ZNF605: variants seen among roughly 807,000 people sequenced by gnomAD.
ZNF605 encodes the protein zinc finger protein 605.
ZNF605 carries 9 observed loss-of-function variants against 7.9 expected under a neutral mutation model. That is an observed-to-expected ratio of 1.14 (90% CI 0.68 to 1.98). The LOEUF (loss-of-function observed/expected upper bound fraction) is 1.98. Among genes scored for constraint, ZNF605 ranks in the 30% most tolerant of loss-of-function variants. The pLI, the probability that ZNF605 is intolerant of heterozygous loss-of-function variation, is 0.00. For missense variants in ZNF605, 673 were observed against 762.4 expected (o/e 0.88, Z 1.38); for synonymous variants, 255 against 260.1 (o/e 0.98, Z 0.19).
At chr12:132,947,487 A>AT (rs748773375) in intron 2 of ZNF605, among the ~76,000 whole-genome samples, 2 of 151,804 alleles carry the variant, frequency 1.3e-5, no homozygotes, top group Non-Finnish European at 2.9e-5. Context: ...TAATTTTTGT[A>AT]TTTTTTGTAG....
In ZNF605 at chr12:132,922,054, C is replaced by T. The variant is rs1566227147; in HGVS notation, c.*3319G>A. 1 of 152,102 alleles carries T rather than the reference C, an allele frequency of 6.6e-6. No homozygotes were observed. The highest frequency in any genetic ancestry group is 1.5e-5 in the Non-Finnish European group (1 of 68,024). 9.4% of individuals were successfully genotyped at this position (152,102 alleles called of 1,614,324 possible). A position where few individuals can be genotyped will look rare whatever the true frequency, so the allele number is the denominator to read the frequency against. The stretch of plus-strand genomic sequence containing the variant: ...TCGTGGACGAAGTCTCTAACGTAAT[C>T]TTGACTACTGAAGGGTAAAGACTTG... On this transcript the variant is annotated 3_prime_UTR_variant, in exon 5 of 5. Transcript: ENST00000360187.
In ZNF605 at chr12:132,945,897, G is replaced by A. The variant is rs112480209; in HGVS notation, c.-162-100C>T. 299 of 608,766 alleles carry A rather than the reference G, an allele frequency of 4.9e-4. 7 individuals are homozygous for A. Among genetic ancestry groups the A allele is most frequent in the South Asian group, 4.7e-3 (233 of 50,034 alleles). 37.7% of individuals were successfully genotyped at this position (608,766 alleles called of 1,614,324 possible). The stretch of plus-strand genomic sequence containing the variant: ...GGGAGCTCAGATTATTTAAAGTCTC[G>A]AACTAGATGTTGGGTAGGCTCACAC... On this transcript the variant is annotated intron_variant, in intron 2 of 4. Coordinates refer to ENST00000360187, the MANE Select transcript of ZNF605 (RefSeq NM_183238.4).
In ZNF605 at chr12:132,921,772, T is replaced by G. The variant is rs7778; in HGVS notation, c.*3601A>C. The G allele has an allele frequency of 0.62, 94,925 of 152,050 alleles. 30,622 individuals carry two copies. Among genetic ancestry groups the G allele is most frequent in the Non-Finnish European group, 0.72 (48,870 of 67,966 alleles). The allele number at this position is 152,050 out of a possible 1,614,324, so 9.4% of individuals were successfully genotyped here. The stretch of plus-strand genomic sequence containing the variant: ...TGAAGCCTAACGGCAATTATTTCCC[T>G]TCAAAGGAGGTTTGTGTCCAGCTGG... On this transcript the variant is annotated 3_prime_UTR_variant, in exon 5 of 5. Coordinates refer to ENST00000360187, the MANE Select transcript of ZNF605 (RefSeq NM_183238.4).
In ZNF605 at chr12:132,926,742, A is replaced by G; in HGVS notation, c.557T>C (p.Ile186Thr). ...RFFNKKSQLV[I>T]HQRTHTGEKP... The stretch of plus-strand genomic sequence containing the variant: ...CTCTCCTGTATGAGTTCTCTGGTGT[A>G]TAACAAGTTGTGACTTCTTGTTAAA... The change falls in exon 5 of 5, where the codon ATA becomes ACA. Residue 186 changes from isoleucine to threonine, a missense_variant. Ile to Thr is a moderately conservative substitution (Grantham distance 89). Transcript: ENST00000360187. The G allele has an allele frequency of 2.5e-6, 4 of 1,614,036 alleles. No homozygotes were observed. The highest frequency in any genetic ancestry group is 3.4e-6 in the Non-Finnish European group (4 of 1,179,900).
intron 4 of ZNF605, among the ~76,000 whole-genome samples, chr12:132,932,404 GA>G (rs1186631587): frequency 1.3e-5 from 2 of 152,066 alleles, no homozygotes; most frequent in Non-Finnish European, 2.9e-5. Context: ...TCTAAAAGAA[GA>G]AAAAAATTAT....
At chr12:132,939,920 C>T (rs959960782) in intron 3 of ZNF605, among the ~76,000 whole-genome samples, 34 of 151,606 alleles carry the variant, frequency 2.2e-4, no homozygotes, top group African/African-American at 7.3e-4. Context: ...GTAACACTCA[C>T]CGCGAAGGTC....
At chr12:132,938,600 A>G (rs2137142563) in intron 3 of ZNF605, among the ~76,000 whole-genome samples, 1 of 152,308 alleles carries the variant, frequency 6.6e-6, no homozygotes, top group Admixed American at 6.5e-5. Context: ...GGCAGTCCTC[A>G]GAGCCCTCGC....
At position 132,923,865 on chromosome 12, in the gene ZNF605, T is replaced by TA. The variant is rs1421426248; in HGVS notation, c.*1507_*1508insT. 3 of 152,164 alleles carry TA rather than the reference T, an allele frequency of 2.0e-5. No homozygotes were observed. Among genetic ancestry groups the TA allele is most frequent in the Admixed American group, 2.0e-4 (3 of 15,282 alleles). 9.4% of individuals were successfully genotyped at this position (152,164 alleles called of 1,614,324 possible). A position where few individuals can be genotyped will look rare whatever the true frequency, so the allele number is the denominator to read the frequency against. ...AATGGTTTTCCTATTCTCTTCCTCT[T>TA]CTCTAAGTCTTTTTTTCTCTCTGTA... is the stretch of plus-strand genomic sequence containing the variant. On this transcript the variant is annotated 3_prime_UTR_variant, in exon 5 of 5. Transcript: ENST00000360187.
intron 3 of ZNF605, among the ~76,000 whole-genome samples, chr12:132,943,743 C>T (rs766672696): frequency 1.6e-4 from 24 of 151,034 alleles, no homozygotes; most frequent in Non-Finnish European, 2.9e-4. Context: ...AGGGCTCCCT[C>T]GGCTGAGGGC....
rs1952637559 is a variant in ZNF605, at chr12:132,956,300, G to A, written c.-343C>T. 1.3e-5 allele frequency: 2 copies of A among 152,128 alleles called. No individual in the cohort carries two copies. The highest frequency in any genetic ancestry group is 4.1e-4 in the South Asian group (2 of 4,830). The allele number at this position is 152,128 out of a possible 1,614,324, so 9.4% of individuals were successfully genotyped here. ...GCCCGATCGGGGACGTGAACGCGCA[G>A]AACTACATTTCCCAGCGTCCCGCTC... is the stretch of plus-strand genomic sequence containing the variant. On this transcript the variant is annotated 5_prime_UTR_variant, in exon 1 of 5. Coordinates refer to ENST00000360187, the MANE Select transcript of ZNF605 (RefSeq NM_183238.4).
chr12:132,925,851 C>T lies in ZNF605; in HGVS notation c.1448G>A (p.Arg483Lys). ...ACTTGACTTCTCACTGAAGGTTTTCCTGCATTCACTGCATTCATAGGGTTT... is the reference window on the plus strand; with the variant it reads ...ACTTGACTTCTCACTGAAGGTTTTCTTGCATTCACTGCATTCATAGGGTTT... ...GEKPYECSEC[R>K]KTFSEKSSLI... The change falls in exon 5 of 5, where the codon AGG (arginine) becomes AAG (lysine). Residue 483 changes from arginine (R) to lysine (K), a missense_variant. Arg to Lys is a conservative substitution (Grantham distance 26). Transcript: ENST00000360187. 6.2e-7 allele frequency: 1 copy of T among 1,614,136 alleles called. No individual in the cohort carries two copies. The highest frequency in any genetic ancestry group is 1.3e-5 in the African/African-American group (1 of 75,066).
intron 4 of ZNF605, among the ~76,000 whole-genome samples, chr12:132,932,517 G>C (rs1475233844): frequency 6.6e-6 from 1 of 152,132 alleles, no homozygotes; most frequent in African/African-American, 2.4e-5. Flanking sequence ...ACTCCATGGA[G>C]AAAAGACACA....
rs759810519 is a variant in ZNF605, at chr12:132,925,365, CATG to C, written c.*5_*7del. 1 of 1,559,054 alleles carries C rather than the reference CATG, an allele frequency of 6.4e-7. No individual in the cohort carries two copies. Among genetic ancestry groups the C allele is most frequent in the South Asian group, 1.2e-5 (1 of 82,680 alleles). On this transcript the variant is annotated 3_prime_UTR_variant, in exon 5 of 5. Transcript: ENST00000360187. ...GCAACCTTTCTGCATTCGCCAAAGT[CATG>C]ATTTTTATATTATATGATTTCTCTG...
intron 1 of ZNF605, among the ~76,000 whole-genome samples, chr12:132,953,015 C>A (rs1368858336): frequency 1.3e-5 from 2 of 152,148 alleles, no homozygotes; most frequent in Non-Finnish European, 2.9e-5. Flanking sequence ...CAAGCCCCTG[C>A]CAACCTCCAG....
At chr12:132,938,894 C>T (rs1219889980) in intron 3 of ZNF605, among the ~76,000 whole-genome samples, 4 of 152,130 alleles carry the variant, frequency 2.6e-5, no homozygotes, top group South Asian at 2.1e-4. Context: ...ACTTAGCACC[C>T]GGGCCAGTGG....
chr12:132,938,631 G>A (rs990364399), intron 3 of ZNF605, among the ~76,000 whole-genome samples: 15 of 152,176 alleles, frequency 9.9e-5, no homozygotes, highest in Non-Finnish European at 1.6e-4. Context: ...CACCTCCCCT[G>A]CCTGGGCTCC....
rs1165304771 is a variant in ZNF605, at chr12:132,941,924, C to A, written c.15+3697G>T. ...ACCTCAGACTCCACGGGGCACGGTG[C>A]AAGGCCCTTTCATCCCCTTTCTGAA... On this transcript the variant is annotated intron_variant, in intron 3 of 4. Transcript: ENST00000360187. The surrounding 1 kb of genome is among the most constrained non-coding windows in gnomAD (Gnocchi z 5.1). 3.3e-5 allele frequency among the ~76,000 whole-genome samples: 5 copies of A among 152,228 alleles called. No individual in the cohort carries two copies. The highest frequency in any genetic ancestry group is 6.5e-5 in the Admixed American group (1 of 15,274).
intron 1 of ZNF605, among the ~76,000 whole-genome samples, chr12:132,950,953 GCA>G (rs62647719): frequency 0.14 from 21,069 of 147,508 alleles, 2,366 homozygotes; most frequent in East Asian, 0.53. Flanking sequence ...ACATAGACAT[GCA>G]CACACACACT....
At chr12:132,952,030 T>A (rs1469069079) in intron 1 of ZNF605, among the ~76,000 whole-genome samples, 1 of 152,058 alleles carries the variant, frequency 6.6e-6, no homozygotes, top group East Asian at 1.9e-4. Context: ...CAGCATTTGC[T>A]GAATTCCTAT....
Sources: gnomAD v4.1 joint callset for allele counts (sites outside exome capture counted in the v4.1 genomes callset) on GRCh38, gnomAD v4.1.1 for gene constraint, Gnocchi (gnomAD v3.1) non-coding constraint, MANE v1.5 for transcripts, NCBI Gene and HGNC (gene_info 2026-07-23, HGNC 2026-07-21) for gene names.